PRKG1: variants seen among roughly 807,000 people sequenced by gnomAD.
PRKG1 encodes protein kinase cGMP-dependent 1.
A neutral mutation model predicts 88.1 loss-of-function variants in PRKG1; 35 were observed. That is an observed-to-expected ratio of 0.40 (90% CI 0.30 to 0.53). PRKG1 has a LOEUF of 0.53. Among genes scored for constraint, PRKG1 ranks in the 20% least tolerant of loss-of-function variants. The pLI is 0.59. For synonymous variants in PRKG1, 303 were observed against 292.5 expected (o/e 1.04, Z -0.37); for missense variants, 540 against 839.8 (o/e 0.64, Z 4.41).
chr10:51,620,817 T>C (rs1408269984), intron 3 of PRKG1, among the ~76,000 whole-genome samples: 1 of 151,790 alleles, frequency 6.6e-6, no homozygotes, highest in African/African-American at 2.4e-5. Context: ...TAGGGCCACA[T>C]TGCAAGCAAT....
At chr10:51,830,680 G>A (rs1255393468) in intron 4 of PRKG1, among the ~76,000 whole-genome samples, 1 of 148,730 alleles carries the variant, frequency 6.7e-6, no homozygotes, top group Non-Finnish European at 1.5e-5. Context: ...TCCTACCTCA[G>A]CCTCCTGAGT....
chr10:51,236,684 G>A (rs1839000366), intron 2 of PRKG1, among the ~76,000 whole-genome samples: 1 of 151,838 alleles, frequency 6.6e-6, no homozygotes. Flanking sequence ...TGTATTTTTA[G>A]TAGAGACTAC....
At chr10:52,187,499 A>T (rs933073234) in intron 9 of PRKG1, among the ~76,000 whole-genome samples, 1 of 152,200 alleles carries the variant, frequency 6.6e-6, no homozygotes, top group East Asian at 1.9e-4. Context: ...AAAAACAATG[A>T]GTAGGCTACA....
intron 2 of PRKG1, among the ~76,000 whole-genome samples, chr10:51,269,972 A>G (rs1303544145): frequency 6.6e-6 from 1 of 152,226 alleles, no homozygotes; most frequent in African/African-American, 2.4e-5. Flanking sequence ...GTTTCACTTC[A>G]GTGCACATAG....
At chr10:52,126,218 T>C (rs1161677945) in intron 7 of PRKG1, among the ~76,000 whole-genome samples, 1 of 152,110 alleles carries the variant, frequency 6.6e-6, no homozygotes, top group Non-Finnish European at 1.5e-5. Context: ...GTTTGTGTAC[T>C]AATTTGATAT....
At chr10:51,881,209 C>A (rs563737116) in intron 4 of PRKG1, among the ~76,000 whole-genome samples, 1 of 152,202 alleles carries the variant, frequency 6.6e-6, no homozygotes. Context: ...GAGACATCAA[C>A]GGGAAGATCA....
chr10:52,247,646 G>C (rs777378545), intron 9 of PRKG1, among the ~76,000 whole-genome samples: 5 of 152,060 alleles, frequency 3.3e-5, no homozygotes, highest in Admixed American at 2.0e-4. Flanking sequence ...TTAAATATCC[G>C]AAAAATCTAA....
intron 4 of PRKG1, among the ~76,000 whole-genome samples, chr10:51,860,995 C>T (rs1840858683): frequency 6.6e-6 from 1 of 152,154 alleles, no homozygotes; most frequent in South Asian, 2.1e-4. Flanking sequence ...ATTCATGTAT[C>T]ACACATGTGT....
chr10:51,837,601 C>T lies in PRKG1; in HGVS notation c.698+32911C>T, dbSNP rs1321497970. ...ATTGGGGTAAGGCCCATTGATTCTT[C>T]ATCTACTCTGGAAATCCTTCGTGGC... On this transcript the variant is annotated intron_variant, in intron 4 of 17. Coordinates refer to ENST00000373980, the MANE Select transcript of PRKG1 (RefSeq NM_006258.4). Among the ~76,000 whole-genome samples the T allele has an allele frequency of 2.6e-5, 4 of 152,232 alleles. No homozygotes were observed. In the East Asian group the frequency reaches 7.7e-4, roughly 29 times the overall value.
intron 3 of PRKG1, among the ~76,000 whole-genome samples, chr10:51,601,457 G>A (rs1253720341): frequency 1.3e-5 from 2 of 152,176 alleles, no homozygotes; most frequent in Non-Finnish European, 2.9e-5. Flanking sequence ...AATTGCGTCT[G>A]TAAACAAGGA....
chr10:51,324,555 G>A (rs373702800), intron 2 of PRKG1, among the ~76,000 whole-genome samples: 1 of 137,080 alleles, frequency 7.3e-6, no homozygotes, highest in Admixed American at 7.7e-5. Flanking sequence ...ATGAAACCCC[G>A]TCTCTACTAA....
At chr10:51,858,099 ACATATTATAC>A (rs1564678230) in intron 4 of PRKG1, among the ~76,000 whole-genome samples, 1 of 78,844 alleles carries the variant, frequency 1.3e-5, no homozygotes, top group Non-Finnish European at 2.2e-5. Flanking sequence ...TTATATATAT[ACATATTATAC>A]ATATATATAA....
intron 7 of PRKG1, among the ~76,000 whole-genome samples, chr10:52,111,163 A>G (rs1202085822): frequency 6.6e-6 from 1 of 152,240 alleles, no homozygotes. Context: ...TCCTCTGCCC[A>G]CAGGCTTTTC....
At chr10:51,475,683 T>G (rs1023681107) in intron 3 of PRKG1, among the ~76,000 whole-genome samples, 10 of 151,990 alleles carry the variant, frequency 6.6e-5, no homozygotes, top group African/African-American at 2.2e-4. Flanking sequence ...GCTTTCTACA[T>G]ATTATTAATA....
intron 7 of PRKG1, among the ~76,000 whole-genome samples, chr10:52,080,726 C>A (rs1004915528): frequency 6.6e-6 from 1 of 151,840 alleles, no homozygotes; most frequent in Non-Finnish European, 1.5e-5. Flanking sequence ...TTATTTTCTC[C>A]TTTTTTTATT....
chr10:51,402,174 C>T (rs1337380482), intron 2 of PRKG1, among the ~76,000 whole-genome samples: 4 of 152,128 alleles, frequency 2.6e-5, no homozygotes, highest in Non-Finnish European at 4.4e-5. Flanking sequence ...TGAAAGAAAA[C>T]AAGTAATTGT....
chr10:51,944,310 T>A (rs1589442562), intron 5 of PRKG1, among the ~76,000 whole-genome samples: 2 of 152,218 alleles, frequency 1.3e-5, no homozygotes, highest in African/African-American at 4.8e-5. Flanking sequence ...ATCCCCTTTA[T>A]CATTTTTTAT....
chr10:51,688,249 G>T (rs189470244), intron 3 of PRKG1, among the ~76,000 whole-genome samples: 3 of 152,234 alleles, frequency 2.0e-5, no homozygotes, highest in Admixed American at 6.5e-5. Flanking sequence ...TGGGCACCTA[G>T]ATTCTGCATT....
At chr10:52,050,855 T>C (rs1268539971) in intron 5 of PRKG1, among the ~76,000 whole-genome samples, 2 of 152,168 alleles carry the variant, frequency 1.3e-5, no homozygotes, top group Admixed American at 6.5e-5. Flanking sequence ...CTCTTTAAGA[T>C]GAAGAGATTA....
Sources: allele counts gnomAD v4.1 joint callset (sites outside exome capture counted in the v4.1 genomes callset), GRCh38; gene constraint gnomAD v4.1.1; transcripts MANE v1.5; gene names NCBI Gene and HGNC (gene_info 2026-07-23, HGNC 2026-07-21).